EXT1: variants seen among roughly 807,000 people sequenced by gnomAD.
EXT1 encodes the protein exostosin-1.
In EXT1, 20 loss-of-function variants were observed where a neutral mutation model predicts 82.5. That is an observed-to-expected ratio of 0.24 (90% confidence interval 0.17 to 0.35). EXT1 has a LOEUF of 0.35. Among genes scored for constraint, EXT1 ranks in the 10% least tolerant of loss-of-function variants. The probability of loss-of-function intolerance (pLI) is 1.00; values close to 1 mark genes in which losing one functional copy is unlikely to be tolerated. For synonymous variants in EXT1, 348 were observed against 350.8 expected (o/e 0.99, Z 0.09); for missense variants, 757 against 936.5 (o/e 0.81, Z 2.50).
intron 1 of EXT1, among the ~76,000 whole-genome samples, chr8:118,002,539 T>C (rs1815692609): frequency 2.1e-5 from 2 of 93,508 alleles, no homozygotes; most frequent in South Asian, 6.7e-4. Context: ...TTTTTTTTTT[T>C]TTTTTTTTTT....
Position 117,799,833 on chromosome 8 carries a change from G to A in EXT1, c.2120C>T (p.Thr707Met), listed in dbSNP as rs756718693. ...CATGTAGCCAAACCAGCTGGCAAAC[G>A]TATTCATGCAGCTCTGTCGCTGGGC... ...HFAQRQSCMNTFASWFGYMPL... is the reference protein window; with the variant it reads ...HFAQRQSCMNMFASWFGYMPL... The change falls in exon 11 of 11, where the codon ACG becomes ATG. Residue 707 changes from threonine to methionine, a missense_variant. This residue lies in a region of EXT1 where 128 missense variants were observed against 223.2 expected (regional missense o/e 0.57). Transcript: ENST00000378204. 5.0e-6 allele frequency: 8 copies of A among 1,614,192 alleles called. No homozygotes were observed. Among genetic ancestry groups the A allele is most frequent in the East Asian group, 2.2e-5 (1 of 44,882 alleles).
chr8:117,987,702 T>C (rs1246335079), intron 1 of EXT1, among the ~76,000 whole-genome samples: 3 of 152,142 alleles, frequency 2.0e-5, no homozygotes, highest in Non-Finnish European at 2.9e-5. Flanking sequence ...CAGTAGTCAG[T>C]TTAAATTAAG....
chr8:117,921,407 TG>T (rs1813852160), intron 1 of EXT1, among the ~76,000 whole-genome samples: 1 of 152,200 alleles, frequency 6.6e-6, no homozygotes, highest in Non-Finnish European at 1.5e-5. Context: ...CTCATATACT[TG>T]ATAGAGCAAC....
rs772678885 is a variant in EXT1, at chr8:117,799,739, C to T, written c.2214G>A (p.Lys738=). ...LFKDQVSILR[K]KYRDIERL ...AAAGTCGCTCAATGTCTCGGTATTT[C>T]TTCCTCAAAATAGAGACCTGGTCTT... The change falls in exon 11 of 11, where the codon AAG becomes AAA. Residue 738 remains lysine, a synonymous_variant. Coordinates refer to ENST00000378204, the MANE Select transcript of EXT1 (RefSeq NM_000127.3). The T allele has an allele frequency of 1.9e-6, 3 of 1,614,118 alleles. No homozygotes were observed. The highest frequency in any genetic ancestry group is 2.5e-6 in the Non-Finnish European group (3 of 1,180,016).
chr8:117,812,003 G>T (rs1823333084), intron 8 of EXT1, among the ~76,000 whole-genome samples: 1 of 152,098 alleles, frequency 6.6e-6, no homozygotes, highest in Non-Finnish European at 1.5e-5. Flanking sequence ...GAACTAGATT[G>T]GTGTCCAGGA....
chr8:117,908,549 G>C (rs1233971887), intron 1 of EXT1, among the ~76,000 whole-genome samples: 2 of 152,034 alleles, frequency 1.3e-5, no homozygotes, highest in African/African-American at 4.8e-5. Flanking sequence ...AGAATCACTT[G>C]AACTCGGGAG....
intron 1 of EXT1, among the ~76,000 whole-genome samples, chr8:118,001,200 G>A (rs1815657467): frequency 6.6e-6 from 1 of 152,028 alleles, no homozygotes; most frequent in East Asian, 1.9e-4. Context: ...GTTTGTTTTT[G>A]TTTTTTGAGA....
intron 7 of EXT1, 50 bp from the exon 8 acceptor site, chr8:117,813,011 A>C: frequency 6.9e-7 from 1 of 1,449,698 alleles, no homozygotes; most frequent in Non-Finnish European, 9.6e-7. Context: ...GGAAAGAGGT[A>C]ACTTCAGAGT....
At chr8:117,830,177 G>C in intron 4 of EXT1, 53 bp downstream of exon 4, 2 of 1,611,526 alleles carry the variant, frequency 1.2e-6, no homozygotes. Context: ...AAGGCTGAGA[G>C]AAGTGTATAA....
At chr8:118,064,023 T>G (rs894017493) in intron 1 of EXT1, among the ~76,000 whole-genome samples, 6 of 152,086 alleles carry the variant, frequency 3.9e-5, no homozygotes, top group Non-Finnish European at 8.8e-5. Context: ...TGTGCCACCA[T>G]GCCCAGCTAA....
intron 1 of EXT1, among the ~76,000 whole-genome samples, chr8:117,948,709 A>T (rs567002232): frequency 3.3e-5 from 5 of 152,372 alleles, no homozygotes; most frequent in Admixed American, 3.3e-4. Context: ...TGCCATGTAT[A>T]GCCAACAATG....
chr8:118,108,773 G>C (rs1032449552), intron 1 of EXT1, among the ~76,000 whole-genome samples: 2 of 152,104 alleles, frequency 1.3e-5, no homozygotes, highest in African/African-American at 2.4e-5. Flanking sequence ...ATGCACAGAC[G>C]ACAATCAAAC....
intron 3 of EXT1, among the ~76,000 whole-genome samples, chr8:117,830,702 A>T (rs950050239): frequency 6.6e-6 from 1 of 152,234 alleles, no homozygotes. Context: ...GGGTAACTAT[A>T]GGTCTTGGGG....
chr8:117,808,856 C>T (rs1263705638), intron 8 of EXT1, among the ~76,000 whole-genome samples: 1 of 152,082 alleles, frequency 6.6e-6, no homozygotes, highest in African/African-American at 2.4e-5. Context: ...AGACTGCCCT[C>T]GCCAGTGCAG....
At chr8:117,975,938 A>G (rs1333808183) in intron 1 of EXT1, among the ~76,000 whole-genome samples, 1 of 152,212 alleles carries the variant, frequency 6.6e-6, no homozygotes, top group Non-Finnish European at 1.5e-5. Flanking sequence ...TAGTTTTTCA[A>G]CAATAATCTA....
intron 1 of EXT1, among the ~76,000 whole-genome samples, chr8:118,044,122 G>A (rs1052888200): frequency 6.6e-6 from 1 of 152,138 alleles, no homozygotes; most frequent in Admixed American, 6.5e-5. Context: ...CGACTGAAAT[G>A]GATTTTTTGT....
At position 117,841,642 on chromosome 8, in the gene EXT1, C is replaced by A. The variant is rs138282261; in HGVS notation, c.963-4441G>T. Among the ~76,000 whole-genome samples the A allele has an allele frequency of 4.9e-4, 74 of 152,166 alleles. 1 individual carries two copies. Among genetic ancestry groups the A allele is most frequent in the African/African-American group, 1.6e-3 (68 of 41,530 alleles). ...CCTTTTCAGATGGGCATTAAGTTCC[C>A]CACGTGTAGGTAAAGAAGGACAAAA... On this transcript the variant is annotated intron_variant, in intron 1 of 10. Coordinates refer to ENST00000378204, the MANE Select transcript of EXT1 (RefSeq NM_000127.3).
chr8:117,875,640 T>C (rs546892546), intron 1 of EXT1, among the ~76,000 whole-genome samples: 1 of 152,268 alleles, frequency 6.6e-6, no homozygotes, highest in East Asian at 1.9e-4. Flanking sequence ...GTCATTTTTA[T>C]TTGTTAGATT....
At chr8:117,855,217 T>C (rs530825528) in intron 1 of EXT1, among the ~76,000 whole-genome samples, 12 of 152,192 alleles carry the variant, frequency 7.9e-5, no homozygotes, top group Non-Finnish European at 1.5e-4. Context: ...CAGCTAGTTG[T>C]AAATATGGGC....
Sources: allele counts gnomAD v4.1 joint callset (sites outside exome capture counted in the v4.1 genomes callset), GRCh38; gene constraint gnomAD v4.1.1; regional missense constraint gnomAD v4.1.1; transcripts MANE v1.5; gene names NCBI Gene and HGNC (gene_info 2026-07-23, HGNC 2026-07-21).